The following NEMP2 variants were observed in gnomAD, a reference collection of about 807,000 sequenced individuals.
The protein encoded by NEMP2 is nuclear envelope integral membrane protein 2, also known as UPF0571 transmembrane protein.
A neutral mutation model predicts 54.2 loss-of-function variants in NEMP2; 53 were observed. That is an observed-to-expected ratio of 0.98 (90% CI 0.78 to 1.23). The LOEUF (loss-of-function observed/expected upper bound fraction) is 1.23, where lower values mean the gene tolerates loss of function less well. Ranked by LOEUF, NEMP2 falls within the 50% of genes most tolerant of loss-of-function variation. The probability of loss-of-function intolerance (pLI) is 0.00; values close to 1 mark genes in which losing one functional copy is unlikely to be tolerated. For synonymous variants in NEMP2, 197 were observed against 190.3 expected, an observed-to-expected ratio of 1.04 and a Z score of -0.29; for missense variants, 455 against 511.3, an observed-to-expected ratio of 0.89 and a Z score of 1.06.
At chr2:190,489,429 T>C in the NEMP2 span, among the ~76,000 whole-genome samples, 2 of 152,182 alleles carry the variant, frequency 1.3e-5, no homozygotes, top group Non-Finnish European at 2.9e-5. The surrounding 1 kb of genome is among the most constrained non-coding windows in gnomAD (Gnocchi z 6.6). Context: ...AACTACAGAT[T>C]AATAGTGCTG....
rs1310642297 is a variant in NEMP2, at chr2:190,519,218, A to AT, written c.214-36dup. 1 of 1,413,424 alleles carries AT rather than the reference A, an allele frequency of 7.1e-7. No homozygotes were observed. The highest frequency in any genetic ancestry group is 9.7e-7 in the Non-Finnish European group (1 of 1,034,096). 87.6% of individuals were successfully genotyped at this position (1,413,424 alleles called of 1,614,324 possible). ...AAGAACAAGCAAATCCATAAACAGA[A>AT]TAACTTCTCTTTTTTGTTTTGGAGA... On this transcript the variant is annotated intron_variant, in intron 2 of 8. Transcript: ENST00000409150. This position sits in a 1 kb window ranked among gnomAD's most constrained non-coding sequence, Gnocchi z 5.4.
the NEMP2 span, among the ~76,000 whole-genome samples, chr2:190,479,733 A>G: frequency 6.6e-6 from 1 of 152,188 alleles, no homozygotes; most frequent in Non-Finnish European, 1.5e-5. Flanking sequence ...CTATAACTAA[A>G]GAGGTACTTT....
the NEMP2 span, among the ~76,000 whole-genome samples, chr2:190,640,343 A>AT: frequency 5.9e-5 from 9 of 151,768 alleles, no homozygotes; most frequent in Admixed American, 1.3e-4. Flanking sequence ...AAGGTTGTTT[A>AT]TTTTTTTTAC....
chr2:190,534,537 G>C (rs1441808448), intron 1 of NEMP2, 22 bp downstream of exon 1: 1 of 1,385,180 alleles, frequency 7.2e-7, no homozygotes, highest in African/African-American at 1.5e-5. Flanking sequence ...CGCGCGCGCC[G>C]CCGCCGCCGG....
chr2:190,571,303 G>A, the NEMP2 span, among the ~76,000 whole-genome samples: 4 of 152,192 alleles, frequency 2.6e-5, no homozygotes, highest in Non-Finnish European at 5.9e-5. Context: ...AGCACTTTGG[G>A]AGGCTGAGGC....
At chr2:190,627,470 T>G in the NEMP2 span, among the ~76,000 whole-genome samples, 4 of 152,236 alleles carry the variant, frequency 2.6e-5, no homozygotes, top group Non-Finnish European at 4.4e-5. This position sits in a 1 kb window ranked among gnomAD's most constrained non-coding sequence, Gnocchi z 4.4. Context: ...AGTGTTCAAA[T>G]GTTTCTTGAC....
At chr2:190,483,040 T>G in the NEMP2 span, among the ~76,000 whole-genome samples, 1 of 150,910 alleles carries the variant, frequency 6.6e-6, no homozygotes, top group Non-Finnish European at 1.5e-5. Flanking sequence ...TACAGGCGCC[T>G]GCCACCGCGC....
chr2:190,485,035 G>A, the NEMP2 span, among the ~76,000 whole-genome samples: 1 of 152,178 alleles, frequency 6.6e-6, no homozygotes, highest in African/African-American at 2.4e-5. The surrounding 1 kb of genome is among the most constrained non-coding windows in gnomAD (Gnocchi z 5.1). Flanking sequence ...AAGTCTAACT[G>A]TGGAGAATCT....
At chr2:190,585,911 A>G in the NEMP2 span, among the ~76,000 whole-genome samples, 1 of 152,154 alleles carries the variant, frequency 6.6e-6, no homozygotes, top group Non-Finnish European at 1.5e-5. This position sits in a 1 kb window ranked among gnomAD's most constrained non-coding sequence, Gnocchi z 5.3. Context: ...CCATTTGTAG[A>G]GCTTCAAACA....
the NEMP2 span, among the ~76,000 whole-genome samples, chr2:190,422,277 G>A: frequency 1.1e-4 from 16 of 152,258 alleles, no homozygotes; most frequent in African/African-American, 3.6e-4. Context: ...GAAACCTTCA[G>A]TCCTATTCCC....
the NEMP2 span, among the ~76,000 whole-genome samples, chr2:190,560,927 TC>T: frequency 6.6e-6 from 1 of 152,232 alleles, no homozygotes; most frequent in African/African-American, 2.4e-5. The surrounding 1 kb of genome is among the most constrained non-coding windows in gnomAD (Gnocchi z 5.4). Flanking sequence ...TGGTACAATA[TC>T]ATTAGATTAG....
chr2:190,547,036 C>T, the NEMP2 span, among the ~76,000 whole-genome samples: 1 of 152,206 alleles, frequency 6.6e-6, no homozygotes, highest in Non-Finnish European at 1.5e-5. The surrounding 1 kb of genome is among the most constrained non-coding windows in gnomAD (Gnocchi z 6.2). Context: ...GGACTATCTC[C>T]CTTTTCATCT....
chr2:190,600,850 A>G, the NEMP2 span, among the ~76,000 whole-genome samples: 1 of 152,104 alleles, frequency 6.6e-6, no homozygotes, highest in Non-Finnish European at 1.5e-5. The surrounding 1 kb of genome is among the most constrained non-coding windows in gnomAD (Gnocchi z 4.9). Context: ...CAGTGCAGGA[A>G]TGTGCGGTGG....
chr2:190,434,267 T>C, the NEMP2 span, among the ~76,000 whole-genome samples: 6 of 152,040 alleles, frequency 3.9e-5, no homozygotes, highest in Non-Finnish European at 7.4e-5. This position sits in a 1 kb window ranked among gnomAD's most constrained non-coding sequence, Gnocchi z 4.3. Flanking sequence ...TCAGAATCTG[T>C]TCATTGGAAC....
chr2:190,590,519 C>G, the NEMP2 span, among the ~76,000 whole-genome samples: 1 of 152,178 alleles, frequency 6.6e-6, no homozygotes, highest in African/African-American at 2.4e-5. This position sits in a 1 kb window ranked among gnomAD's most constrained non-coding sequence, Gnocchi z 5.1. Context: ...TCATTAACAT[C>G]TCCTATTCTT....
the NEMP2 span, among the ~76,000 whole-genome samples, chr2:190,611,246 A>G: frequency 6.6e-6 from 1 of 152,354 alleles, no homozygotes; most frequent in South Asian, 2.1e-4. This position sits in a 1 kb window ranked among gnomAD's most constrained non-coding sequence, Gnocchi z 5.4. Flanking sequence ...ACTTTGGAAC[A>G]CATACAAATA....
At chr2:190,538,515 G>A (rs950772528), upstream of NEMP2, among the ~76,000 whole-genome samples, 2 of 151,936 alleles carry the variant, frequency 1.3e-5, no homozygotes, top group Non-Finnish European at 2.9e-5. The surrounding 1 kb of genome is among the most constrained non-coding windows in gnomAD (Gnocchi z 4.1). Context: ...GGATCATATG[G>A]TAGGTCTAGT....
At chr2:190,489,079 A>G in the NEMP2 span, among the ~76,000 whole-genome samples, 1 of 152,334 alleles carries the variant, frequency 6.6e-6, no homozygotes, top group South Asian at 2.1e-4. This position sits in a 1 kb window ranked among gnomAD's most constrained non-coding sequence, Gnocchi z 6.6. Flanking sequence ...CCCTCAAAGG[A>G]GCCAAACAAA....
the NEMP2 span, among the ~76,000 whole-genome samples, chr2:190,563,022 G>A: frequency 1.3e-5 from 2 of 152,136 alleles, no homozygotes; most frequent in East Asian, 1.9e-4. This position sits in a 1 kb window ranked among gnomAD's most constrained non-coding sequence, Gnocchi z 4.3. Flanking sequence ...ATTCTGAAAA[G>A]CAAAATTTTA....
Sources: gnomAD v4.1 joint callset for allele counts (sites outside exome capture counted in the v4.1 genomes callset) on GRCh38, gnomAD v4.1.1 for gene constraint, Gnocchi (gnomAD v3.1) non-coding constraint, MANE v1.5 for transcripts, NCBI Gene and HGNC (gene_info 2026-07-23, HGNC 2026-07-21) for gene names.